DNAI7: variants seen among roughly 807,000 people sequenced by gnomAD.
DNAI7 encodes the protein cancer susceptibility 1.
In DNAI7, 78 loss-of-function variants were observed where a neutral mutation model predicts 86.6. The observed-to-expected ratio is 0.90, with a 90% CI of 0.75 to 1.09. The LOEUF (loss-of-function observed/expected upper bound fraction) is 1.09. DNAI7 is among the 50% of genes least tolerant of loss of function. DNAI7 has a pLI of 0.00. For synonymous variants in DNAI7, 274 were observed against 273.0 expected (o/e 1.00, Z -0.04); for missense variants, 753 against 810.2 (o/e 0.93, Z 0.86).
downstream of DNAI7, chr12:25,107,904 T>A (rs115715547): frequency 8.4e-5 from 135 of 1,614,230 alleles, no homozygotes; most frequent in Non-Finnish European, 1.1e-4. Context: ...TTGCATTCAT[T>A]GTACTGTTTG....
At chr12:25,168,072 C>T (rs117759352) in intron 2 of DNAI7, among the ~76,000 whole-genome samples, 11,877 of 152,250 alleles carry the variant, frequency 0.078, 712 homozygotes, top group Non-Finnish European at 0.11. Flanking sequence ...TCCCCCTCTA[C>T]ACAGTTACCT....
chr12:25,169,847 C>CAA (rs1173396136), intron 2 of DNAI7, among the ~76,000 whole-genome samples: 8,021 of 66,316 alleles, frequency 0.12, 906 homozygotes, highest in African/African-American at 0.29. Flanking sequence ...GACTCTGTCT[C>CAA]AAAAAAAAAA....
chr12:25,139,213 TA>T (rs1037378391), intron 9 of DNAI7, among the ~76,000 whole-genome samples: 42 of 150,680 alleles, frequency 2.8e-4, no homozygotes, highest in African/African-American at 8.3e-4. Context: ...AAATGGTAAT[TA>T]AAAAAAAATT....
chr12:25,116,595 G>C (rs1053635539), intron 12 of DNAI7, among the ~76,000 whole-genome samples: 1 of 152,048 alleles, frequency 6.6e-6, no homozygotes, highest in Non-Finnish European at 1.5e-5. Context: ...CGCCTCCCAG[G>C]TTCAAGCAAT....
chr12:25,194,252 T>G (rs1433320336), intron 1 of DNAI7, among the ~76,000 whole-genome samples: 1 of 152,216 alleles, frequency 6.6e-6, no homozygotes, highest in Non-Finnish European at 1.5e-5. Flanking sequence ...TGTTACCCCA[T>G]TTTAGATGCT....
chr12:25,152,510 C>T lies in DNAI7; in HGVS notation c.438+1809G>A, dbSNP rs117259273. ...CACGGAAGCTCTACACTCCTCCCTA[C>T]GGACCTCACCCCTTGTATTTCTTCA... On this transcript the variant is annotated intron_variant, in intron 6 of 15. Transcript: ENST00000395987. 2.2e-4 allele frequency among the ~76,000 whole-genome samples: 34 copies of T among 152,354 alleles called. 1 individual carries two copies. The East Asian group carries it at 3.5e-3, about 16-fold the overall frequency.
At chr12:25,143,286 T>A (rs1314675679) in intron 9 of DNAI7, among the ~76,000 whole-genome samples, 2 of 149,608 alleles carry the variant, frequency 1.3e-5, no homozygotes, top group African/African-American at 4.9e-5. Context: ...TCTCACTCTG[T>A]CACCCAGGCT....
intron 2 of DNAI7, among the ~76,000 whole-genome samples, chr12:25,185,397 A>AT (rs1242941464): frequency 1.3e-5 from 2 of 152,200 alleles, no homozygotes; most frequent in Non-Finnish European, 2.9e-5. Context: ...ATTTCTGATA[A>AT]TTTTTTTATC....
At chr12:25,155,773 C>T (rs550247196) in intron 4 of DNAI7, among the ~76,000 whole-genome samples, 1 of 152,308 alleles carries the variant, frequency 6.6e-6, no homozygotes, top group South Asian at 2.1e-4. Context: ...AACTGTACTA[C>T]TTCTAGGGGG....
At chr12:25,108,125 G>GTAACT, downstream of DNAI7, 1 of 1,552,512 alleles carries the variant, frequency 6.4e-7, no homozygotes, top group African/African-American at 1.4e-5. Context: ...TCGTAAATTA[G>GTAACT]TAACTTTTAG....
intron 2 of DNAI7, among the ~76,000 whole-genome samples, chr12:25,175,372 ACTTTT>A (rs1249488408): frequency 6.6e-6 from 1 of 151,882 alleles, no homozygotes; most frequent in Non-Finnish European, 1.5e-5. Context: ...TTGCTTTTAA[ACTTTT>A]CTTTTTTTTG....
intron 2 of DNAI7, among the ~76,000 whole-genome samples, chr12:25,186,300 G>A (rs1365519852): frequency 2.0e-5 from 3 of 152,096 alleles, no homozygotes; most frequent in African/African-American, 7.2e-5. Flanking sequence ...TTTGAAATCT[G>A]CGTAAAAATA....
At chr12:25,176,836 G>A (rs1949006849) in intron 2 of DNAI7, among the ~76,000 whole-genome samples, 1 of 146,786 alleles carries the variant, frequency 6.8e-6, no homozygotes, top group African/African-American at 2.5e-5. Flanking sequence ...GTATATTATT[G>A]TGATTTGCTT....
intron 9 of DNAI7, among the ~76,000 whole-genome samples, chr12:25,125,341 G>C (rs979648965): frequency 1.1e-4 from 16 of 152,168 alleles, no homozygotes; most frequent in Admixed American, 8.5e-4. Context: ...ATCTCATTGT[G>C]GTTTTGATTT....
Position 25,108,512 on chromosome 12 carries a change from G to A in DNAI7, c.*36C>T, listed in dbSNP as rs1337245535. 1 of 1,565,682 alleles carries A rather than the reference G, an allele frequency of 6.4e-7. No individual in the cohort carries two copies. On this transcript the variant is annotated 3_prime_UTR_variant, in exon 16 of 16. Coordinates refer to ENST00000395987, the MANE Select transcript of DNAI7 (RefSeq NM_018272.5). Reference sequence around the variant, plus strand: ...AAATACCTGTCTTTCACCATGCTTGGTTCTTCATACTTACAATACAGTTTG... The same window carrying A: ...AAATACCTGTCTTTCACCATGCTTGATTCTTCATACTTACAATACAGTTTG...
chr12:25,151,437 A>G (rs528664701), intron 6 of DNAI7, among the ~76,000 whole-genome samples: 21 of 151,974 alleles, frequency 1.4e-4, no homozygotes, highest in Non-Finnish European at 2.8e-4. Flanking sequence ...TTCCTTTCCT[A>G]TTGTTGTGAT....
At chr12:25,140,575 A>G (rs1371028905) in intron 9 of DNAI7, among the ~76,000 whole-genome samples, 1 of 152,238 alleles carries the variant, frequency 6.6e-6, no homozygotes, top group Non-Finnish European at 1.5e-5. Context: ...TCACAAACAA[A>G]TGGAAATACA....
intron 1 of DNAI7, among the ~76,000 whole-genome samples, chr12:25,193,693 A>G (rs963012819): frequency 3.3e-5 from 5 of 152,234 alleles, no homozygotes; most frequent in African/African-American, 1.2e-4. Flanking sequence ...TAAGAAGAAG[A>G]AGAAACTCAG....
intron 9 of DNAI7, among the ~76,000 whole-genome samples, chr12:25,143,143 C>T (rs1301448420): frequency 6.6e-6 from 1 of 152,002 alleles, no homozygotes; most frequent in African/African-American, 2.4e-5. Flanking sequence ...TTTCCTTATG[C>T]CTTTAAAATT....
Sources: allele counts gnomAD v4.1 joint callset (sites outside exome capture counted in the v4.1 genomes callset), GRCh38; gene constraint gnomAD v4.1.1; transcripts MANE v1.5; gene names NCBI Gene and HGNC (gene_info 2026-07-23, HGNC 2026-07-21).